The following LRP1B variants were observed in gnomAD, a reference collection of about 807,000 sequenced individuals.
The protein encoded by LRP1B is low-density lipoprotein receptor-related protein 1B.
In LRP1B, 217 loss-of-function variants were observed where a neutral mutation model predicts 556.6. That is an observed-to-expected ratio of 0.39 (90% CI 0.35 to 0.44). LRP1B has a LOEUF of 0.44. Among genes scored for constraint, LRP1B ranks in the 20% least tolerant of loss-of-function variants. LRP1B has a pLI of 1.00. For missense variants in LRP1B, 5,053 were observed against 5,620.8 expected, an observed-to-expected ratio of 0.90 and a Z score of 3.23; for synonymous variants, 2,047 against 1,865.8, an observed-to-expected ratio of 1.10 and a Z score of -2.50.
At chr2:140,406,020 T>C (rs1055676513) in intron 66 of LRP1B, among the ~76,000 whole-genome samples, 1 of 152,150 alleles carries the variant, frequency 6.6e-6, no homozygotes, top group African/African-American at 2.4e-5. Flanking sequence ...ATCTCAGGGA[T>C]GCAGCAATGA....
intron 35 of LRP1B, among the ~76,000 whole-genome samples, chr2:140,737,824 A>G (rs1448898466): frequency 6.6e-6 from 1 of 152,232 alleles, no homozygotes; most frequent in Non-Finnish European, 1.5e-5. Flanking sequence ...ATGCCGGAGA[A>G]TGATTGTAGG....
At chr2:141,957,875 T>G (rs1701301271) in intron 1 of LRP1B, among the ~76,000 whole-genome samples, 1 of 152,094 alleles carries the variant, frequency 6.6e-6, no homozygotes, top group South Asian at 2.1e-4. Flanking sequence ...ATTATCACTC[T>G]TGTTTTAACA....
intron 3 of LRP1B, among the ~76,000 whole-genome samples, chr2:141,332,040 T>C (rs573831755): frequency 1.3e-5 from 2 of 152,290 alleles, no homozygotes; most frequent in Non-Finnish European, 2.9e-5. Flanking sequence ...CTTGTTCCAC[T>C]TCTATATGCT....
chr2:141,429,210 A>G (rs1444832995), intron 3 of LRP1B, among the ~76,000 whole-genome samples: 1 of 152,190 alleles, frequency 6.6e-6, no homozygotes, highest in African/African-American at 2.4e-5. Flanking sequence ...CATTTAAAAC[A>G]ATTAGACCCT....
At chr2:140,373,972 T>G (rs185052548) in intron 68 of LRP1B, among the ~76,000 whole-genome samples, 93 of 152,262 alleles carry the variant, frequency 6.1e-4, no homozygotes, top group Non-Finnish European at 4.6e-4. Flanking sequence ...GCACCAATCC[T>G]TTTACAGTTT....
intron 66 of LRP1B, among the ~76,000 whole-genome samples, chr2:140,432,946 A>T (rs894655437): frequency 1.3e-5 from 2 of 152,230 alleles, no homozygotes; most frequent in Admixed American, 6.5e-5. Context: ...ACTTGATTTA[A>T]AACTTTTAAT....
At chr2:141,443,203 T>A (rs901507317) in intron 3 of LRP1B, among the ~76,000 whole-genome samples, 16 of 152,340 alleles carry the variant, frequency 1.1e-4, no homozygotes, top group African/African-American at 3.6e-4. Context: ...TTTTTTCATA[T>A]GTTTGTTGGC....
intron 66 of LRP1B, among the ~76,000 whole-genome samples, chr2:140,398,972 T>G (rs1573891214): frequency 1.3e-5 from 2 of 152,110 alleles, no homozygotes; most frequent in African/African-American, 4.8e-5. Context: ...TCCAAATCAT[T>G]TTTCCATCCA....
At chr2:142,049,791 C>T (rs548309898) in intron 1 of LRP1B, among the ~76,000 whole-genome samples, 1 of 152,180 alleles carries the variant, frequency 6.6e-6, no homozygotes, top group Admixed American at 6.6e-5. Flanking sequence ...GGTCTAAAAC[C>T]CATTCTATCT....
intron 1 of LRP1B, among the ~76,000 whole-genome samples, chr2:142,063,895 A>G (rs1032166535): frequency 4.0e-5 from 6 of 151,626 alleles, no homozygotes; most frequent in African/African-American, 9.7e-5. Flanking sequence ...ATTTCCTGGT[A>G]TCAGTACACA....
chr2:140,265,430 T>C (rs1682156769), intron 86 of LRP1B, among the ~76,000 whole-genome samples: 1 of 152,228 alleles, frequency 6.6e-6, no homozygotes, highest in African/African-American at 2.4e-5. Flanking sequence ...CACATAGTTA[T>C]AAGTAAAAAT....
intron 1 of LRP1B, among the ~76,000 whole-genome samples, chr2:141,992,243 C>T (rs372092804): frequency 7.2e-5 from 11 of 152,076 alleles, no homozygotes; most frequent in African/African-American, 1.7e-4. Flanking sequence ...AGCATATCTA[C>T]GCATTTCTTT....
At chr2:141,045,260 G>A (rs1318589461) in intron 11 of LRP1B, among the ~76,000 whole-genome samples, 1 of 114,506 alleles carries the variant, frequency 8.7e-6, no homozygotes, top group Non-Finnish European at 1.8e-5. Context: ...TCACACTCTG[G>A]GGACTGTTGT....
chr2:140,824,571 T>C (rs572983456), intron 31 of LRP1B, among the ~76,000 whole-genome samples: 23 of 152,132 alleles, frequency 1.5e-4, no homozygotes, highest in Admixed American at 3.9e-4. Context: ...TTTAGAAGTG[T>C]AACATTTCCA....
rs1558771563 is a variant in LRP1B, at chr2:141,638,894, TGC to T, written c.206-158363_206-158362del. Among the ~76,000 whole-genome samples the T allele has an allele frequency of 9.4e-4, 4 of 4,274 alleles. 1 individual carries two copies. The highest frequency in any genetic ancestry group is 1.4e-3 in the African/African-American group (4 of 2,954). The allele number at this position is 4,274 out of a possible 152,430, so 2.8% of individuals were successfully genotyped here. A position where few individuals can be genotyped will look rare whatever the true frequency, so the allele number is the denominator to read the frequency against. On this transcript the variant is annotated intron_variant, in intron 2 of 90. Transcript: ENST00000389484. ...ATATATATATATATGTGTGTGTATG[TGC>T]GTGTGTGTGTGTGTGTGTATACATA...
At chr2:140,951,286 A>G (rs144896380) in intron 19 of LRP1B, among the ~76,000 whole-genome samples, 326 of 152,184 alleles carry the variant, frequency 2.1e-3, no homozygotes, top group African/African-American at 7.6e-3. Context: ...GAAATGATTT[A>G]TATTCTTTAT....
intron 31 of LRP1B, among the ~76,000 whole-genome samples, chr2:140,819,425 T>A (rs1324871983): frequency 6.6e-6 from 1 of 151,994 alleles, no homozygotes; most frequent in Non-Finnish European, 1.5e-5. Flanking sequence ...AGTCTGGGAG[T>A]AAATATTTGC....
chr2:141,571,185 G>A (rs549852115), intron 2 of LRP1B, among the ~76,000 whole-genome samples: 1 of 151,232 alleles, frequency 6.6e-6, no homozygotes, highest in East Asian at 1.9e-4. Context: ...TGAGATCAGA[G>A]GTCCCAGAAG....
chr2:140,901,431 C>A lies in LRP1B; in HGVS notation c.3766+1489G>T, dbSNP rs148720643. Among the ~76,000 whole-genome samples, 620 of 151,720 alleles carry A rather than the reference C, an allele frequency of 4.1e-3. 3 individuals carry two copies. Among genetic ancestry groups the A allele is most frequent in the African/African-American group, 0.014 (566 of 41,336 alleles). On this transcript the variant is annotated intron_variant, in intron 23 of 90. Transcript: ENST00000389484. Reference sequence around the variant, plus strand: ...ACTGTCTTGGTAAATTCTTTTACCCCCTGTGCCAATGGCCCCAGTTAGTTG... The same window carrying A: ...ACTGTCTTGGTAAATTCTTTTACCCACTGTGCCAATGGCCCCAGTTAGTTG...
Sources: allele counts gnomAD v4.1 joint callset (sites outside exome capture counted in the v4.1 genomes callset), GRCh38; gene constraint gnomAD v4.1.1; transcripts MANE v1.5; gene names NCBI Gene and HGNC (gene_info 2026-07-23, HGNC 2026-07-21).